Variants in CNTNAP2 observed in about 807,000 individuals in gnomAD.
CNTNAP2 encodes the protein contactin associated protein 2, also known as contactin-associated protein-like 2.
Under a neutral mutation model 155.2 loss-of-function variants are expected in CNTNAP2, and 98 were observed. The observed-to-expected ratio is 0.63, with a 90% CI of 0.54 to 0.75. The LOEUF (loss-of-function observed/expected upper bound fraction) is 0.75, where lower values mean the gene tolerates loss of function less well. Ranked by LOEUF, CNTNAP2 falls within the 30% of genes least tolerant of loss-of-function variation. The pLI is 0.00. For synonymous variants in CNTNAP2, 651 were observed against 631.2 expected (o/e 1.03, Z -0.47); for missense variants, 1,727 against 1,688.1 (o/e 1.02, Z -0.40).
intron 8 of CNTNAP2, among the ~76,000 whole-genome samples, chr7:147,188,146 T>C (rs1311197715): frequency 6.6e-6 from 1 of 152,130 alleles, no homozygotes; most frequent in Non-Finnish European, 1.5e-5. Flanking sequence ...GGATACATAA[T>C]AGTAACTTTT....
intron 13 of CNTNAP2, among the ~76,000 whole-genome samples, chr7:147,692,601 T>C (rs1796103398): frequency 6.6e-6 from 1 of 152,140 alleles, no homozygotes; most frequent in African/African-American, 2.4e-5. Context: ...ATTTCTCTGA[T>C]GACATGAGCA....
chr7:146,364,735 T>A (rs1396046594), intron 1 of CNTNAP2, among the ~76,000 whole-genome samples: 1 of 152,222 alleles, frequency 6.6e-6, no homozygotes, highest in Non-Finnish European at 1.5e-5. Flanking sequence ...CAAAGATAAT[T>A]AGACACAGCC....
chr7:148,254,213 C>T (rs1242724422), intron 20 of CNTNAP2, among the ~76,000 whole-genome samples: 2 of 152,220 alleles, frequency 1.3e-5, no homozygotes, highest in Middle Eastern at 3.4e-3. Context: ...GACGATGTGA[C>T]ATCAACGGCT....
chr7:147,070,788 A>G (rs1230409833), intron 4 of CNTNAP2, among the ~76,000 whole-genome samples: 1 of 152,206 alleles, frequency 6.6e-6, no homozygotes, highest in Non-Finnish European at 1.5e-5. Context: ...TCTCTTGAAT[A>G]TACTCATATT....
intron 11 of CNTNAP2, among the ~76,000 whole-genome samples, chr7:147,538,051 T>A (rs1799578697): frequency 6.6e-6 from 1 of 152,224 alleles, no homozygotes; most frequent in Non-Finnish European, 1.5e-5. Context: ...TGTTTGATTC[T>A]AACCTTCTGA....
intron 8 of CNTNAP2, among the ~76,000 whole-genome samples, chr7:147,163,722 A>C (rs951281425): frequency 2.0e-5 from 3 of 152,212 alleles, no homozygotes; most frequent in Admixed American, 6.5e-5. Context: ...ATTTCTATAA[A>C]TAAGTATGTA....
chr7:146,540,611 CAT>C (rs551505060), intron 1 of CNTNAP2, among the ~76,000 whole-genome samples: 22 of 152,050 alleles, frequency 1.4e-4, no homozygotes, highest in South Asian at 6.2e-4. Flanking sequence ...CAAAATGTGG[CAT>C]AGATATTGAC....
chr7:147,375,989 C>A (rs75252842), intron 9 of CNTNAP2, among the ~76,000 whole-genome samples: 2 of 152,018 alleles, frequency 1.3e-5, no homozygotes, highest in East Asian at 3.9e-4. Flanking sequence ...TGTGAAGACA[C>A]AAGATATTCT....
chr7:146,700,642 A>C (rs2129173118), intron 1 of CNTNAP2, among the ~76,000 whole-genome samples: 1 of 152,260 alleles, frequency 6.6e-6, no homozygotes, highest in East Asian at 1.9e-4. Flanking sequence ...AGAAATCAAA[A>C]ATATTTGCAT....
chr7:146,150,864 T>G (rs2116774829), intron 1 of CNTNAP2, among the ~76,000 whole-genome samples: 1 of 152,260 alleles, frequency 6.6e-6, no homozygotes, highest in South Asian at 2.1e-4. Context: ...TTTACTCTCT[T>G]ATTAGTCCGT....
At chr7:147,837,122 A>T (rs1002751458) in intron 13 of CNTNAP2, among the ~76,000 whole-genome samples, 1 of 152,188 alleles carries the variant, frequency 6.6e-6, no homozygotes, top group African/African-American at 2.4e-5. Context: ...GTCCATTTTC[A>T]TGCTGCTAAT....
At chr7:147,378,613 T>G (rs1330173456) in intron 9 of CNTNAP2, among the ~76,000 whole-genome samples, 2 of 151,956 alleles carry the variant, frequency 1.3e-5, no homozygotes, top group African/African-American at 4.8e-5. Context: ...GGAAGGATAG[T>G]GGGTAAGGTG....
At chr7:148,402,710 C>T (rs527351823) in intron 22 of CNTNAP2, among the ~76,000 whole-genome samples, 1 of 152,068 alleles carries the variant, frequency 6.6e-6, no homozygotes, top group South Asian at 2.1e-4. Context: ...AATAATGTTG[C>T]AATTTAAATT....
intron 1 of CNTNAP2, among the ~76,000 whole-genome samples, chr7:146,537,989 A>G (rs1797895542): frequency 6.6e-6 from 1 of 152,108 alleles, no homozygotes; most frequent in Non-Finnish European, 1.5e-5. Context: ...AATCTGATTT[A>G]CATTTGAAAA....
At chr7:147,527,641 T>C (rs1335659355) in intron 11 of CNTNAP2, among the ~76,000 whole-genome samples, 2 of 152,224 alleles carry the variant, frequency 1.3e-5, no homozygotes. Flanking sequence ...AGAATTTAAA[T>C]TATAATGGCT....
chr7:147,476,956 G>A (rs922730164), intron 10 of CNTNAP2, among the ~76,000 whole-genome samples: 4 of 150,908 alleles, frequency 2.7e-5, no homozygotes, highest in Admixed American at 1.3e-4. Context: ...AAAAGATACA[G>A]CAGGTTGTGG....
intron 13 of CNTNAP2, among the ~76,000 whole-genome samples, chr7:147,868,016 A>G (rs550299914): frequency 6.6e-6 from 1 of 152,154 alleles, no homozygotes; most frequent in South Asian, 2.1e-4. Flanking sequence ...AATCTTTTGG[A>G]GGAGAAGAGG....
chr7:147,707,398 G>C (rs187580881), intron 13 of CNTNAP2, among the ~76,000 whole-genome samples: 1 of 152,340 alleles, frequency 6.6e-6, no homozygotes, highest in East Asian at 1.9e-4. Context: ...TATCAGTGGT[G>C]TCAGTGATTT....
intron 9 of CNTNAP2, among the ~76,000 whole-genome samples, chr7:147,347,374 G>T (rs1221277492): frequency 7.0e-6 from 1 of 143,862 alleles, no homozygotes; most frequent in Non-Finnish European, 1.5e-5. Flanking sequence ...ATGCTGATGG[G>T]CACCAGAGAC....
Sources: gnomAD v4.1 joint callset for allele counts (sites outside exome capture counted in the v4.1 genomes callset) on GRCh38, gnomAD v4.1.1 for gene constraint, MANE v1.5 for transcripts, NCBI Gene and HGNC (gene_info 2026-07-23, HGNC 2026-07-21) for gene names.